Variants in SLC17A9 observed in about 807,000 individuals in gnomAD.
SLC17A9 encodes voltage-gated purine nucleotide uniporter SLC17A9.
Under a neutral mutation model 55.0 loss-of-function variants are expected in SLC17A9, and 49 were observed. The observed-to-expected ratio is 0.89, with a 90% confidence interval of 0.71 to 1.13. The LOEUF (loss-of-function observed/expected upper bound fraction) is 1.13. Ranked by LOEUF, SLC17A9 falls within the 50% of genes most tolerant of loss-of-function variation. The probability of loss-of-function intolerance (pLI) is 0.00; values close to 1 mark genes in which losing one functional copy is unlikely to be tolerated. For missense variants in SLC17A9, 526 were observed against 569.3 expected, an observed-to-expected ratio of 0.92 and a Z score of 0.77; for synonymous variants, 256 against 247.4, an observed-to-expected ratio of 1.03 and a Z score of -0.32.
rs1255071010 is a variant in SLC17A9, at chr20:62,958,116, TG to T, written c.397+537del. On this transcript the variant is annotated intron_variant, in intron 3 of 12. Coordinates refer to ENST00000370351, the MANE Select transcript of SLC17A9 (RefSeq NM_022082.4). This position sits in a 1 kb window ranked among gnomAD's most constrained non-coding sequence, Gnocchi z 4.1. ...TCCTGTATCCATGTGTATGTGCGTA[TG>T]CGTGCCCATATGCGTGTGTACGTGC... is the stretch of plus-strand genomic sequence containing the variant. Among the ~76,000 whole-genome samples the T allele has an allele frequency of 6.6e-6, 1 of 152,176 alleles. No individual in the cohort carries two copies. Among genetic ancestry groups the T allele is most frequent in the Non-Finnish European group, 1.5e-5 (1 of 68,020 alleles).
rs1162152049 is a variant in SLC17A9, at chr20:62,960,534, T to C, written c.428T>C (p.Leu143Pro). ...GVYFPALTSL[L>P]SQKVRESERA... ...TACTTCCCTGCCCTGACCAGCCTGCTGTCGCAGAAGGTGCGGGAGAGTGAG... is the reference window on the plus strand; with the variant it reads ...TACTTCCCTGCCCTGACCAGCCTGCCGTCGCAGAAGGTGCGGGAGAGTGAG... The change falls in exon 4 of 13, where the codon CTG becomes CCG. Residue 143 changes from leucine (L) to proline (P), a missense_variant. By Grantham distance (98) the Leu-to-Pro change is moderately conservative. Transcript: ENST00000370351. 1.2e-6 allele frequency: 2 copies of C among 1,613,566 alleles called. No homozygotes were observed. The highest frequency in any genetic ancestry group is 1.7e-6 in the Non-Finnish European group (2 of 1,180,010).
Position 62,967,894 on chromosome 20 carries a change from C to T in SLC17A9, c.*394C>T, listed in dbSNP as rs45569732. ...TTCTCCGCAAGCCTCCTGCAGCGCC[C>T]GCCTGCCAATGTGAGGCTGGCACCA... On this transcript the variant is annotated 3_prime_UTR_variant, in exon 13 of 13. Transcript: ENST00000370351. 8.3e-3 allele frequency: 1,414 copies of T among 171,336 alleles called. 6 individuals are homozygous for T. Among genetic ancestry groups the T allele is most frequent in the Middle Eastern group, 0.029 (11 of 380 alleles). The allele number at this position is 171,336 out of a possible 1,614,324, so 10.6% of individuals were successfully genotyped here. A position where few individuals can be genotyped will look rare whatever the true frequency, so the allele number is the denominator to read the frequency against.
At position 62,967,408 on chromosome 20, in the gene SLC17A9, G is replaced by A; in HGVS notation, c.1219G>A (p.Val407Met). 1 of 1,614,200 alleles carries A rather than the reference G, an allele frequency of 6.2e-7. No individual in the cohort carries two copies. The highest frequency in any genetic ancestry group is 8.5e-7 in the Non-Finnish European group (1 of 1,180,032). ...CTCCTGGACTTGCCTGTTCAACCTT[G>A]TGGCCATCATCAGCAACCTGGGGCT... is the stretch of plus-strand genomic sequence containing the variant. ...TGSWTCLFNL[V>M]AIISNLGLCT... The change falls in exon 13 of 13, where the codon GTG becomes ATG. Residue 407 changes from valine (V) to methionine (M), a missense_variant. Val to Met is a conservative substitution (Grantham distance 21, BLOSUM62 1). Coordinates refer to ENST00000370351, the MANE Select transcript of SLC17A9 (RefSeq NM_022082.4).
In SLC17A9 at chr20:62,967,352, G is replaced by A. The variant is rs1019733124; in HGVS notation, c.1163G>A (p.Cys388Tyr). The A allele has an allele frequency of 3.7e-6, 6 of 1,614,008 alleles. No homozygotes were observed. Among genetic ancestry groups the A allele is most frequent in the East Asian group, 2.2e-5 (1 of 44,886 alleles). Residue 388 changes from cysteine to tyrosine, a missense_variant, in exon 13 of 13, where the codon TGT (cysteine) becomes TAT (tyrosine). Transcript: ENST00000370351. ...AGALAGVVGV[C>Y]LGGYLMETTG... ...TCTTGGGCAGGTGTCGTGGGTGTGT[G>A]TCTAGGCGGCTACTTGATGGAGACC... is the stretch of plus-strand genomic sequence containing the variant.
chr20:62,954,987 G>A (rs2065524013), intron 1 of SLC17A9, among the ~76,000 whole-genome samples: 1 of 152,126 alleles, frequency 6.6e-6, no homozygotes, highest in Admixed American at 6.5e-5. Context: ...TCAAGACAGA[G>A]TCTCTCTCTG....
rs774981671 is a variant in SLC17A9 at position 62,967,637 on chromosome 20, T to G, written c.*137T>G. ...CACAAACCACTGTGGAGCCTGAAGCTCCTTAAGAAGAGTCCACAACAGCTG... is the reference window on the plus strand; with the variant it reads ...CACAAACCACTGTGGAGCCTGAAGCGCCTTAAGAAGAGTCCACAACAGCTG... On this transcript the variant is annotated 3_prime_UTR_variant, in exon 13 of 13. Coordinates refer to ENST00000370351, the MANE Select transcript of SLC17A9 (RefSeq NM_022082.4). The G allele has an allele frequency of 1.7e-5, 6 of 357,916 alleles. No individual in the cohort carries two copies. Among genetic ancestry groups the G allele is most frequent in the Non-Finnish European group, 2.7e-5 (6 of 220,004 alleles). The allele number at this position is 357,916 out of a possible 1,614,324, so 22.2% of individuals were successfully genotyped here.
chr20:62,962,608 C>A lies in SLC17A9; in HGVS notation c.498-16C>A, dbSNP rs1333504739. Reference sequence around the variant, plus strand: ...TGCCGCTGAGGGGCCTGGCCACACTCCCCCTGTCTTTGCAGGACGCTGCTG... The same window carrying A: ...TGCCGCTGAGGGGCCTGGCCACACTACCCCTGTCTTTGCAGGACGCTGCTG... On this transcript the variant is annotated splice_polypyrimidine_tract_variant and intron_variant, in intron 4 of 12. Coordinates refer to ENST00000370351, the MANE Select transcript of SLC17A9 (RefSeq NM_022082.4). The surrounding 1 kb of genome is among the most constrained non-coding windows in gnomAD (Gnocchi z 5.5). 1 of 1,612,958 alleles carries A rather than the reference C, an allele frequency of 6.2e-7. No individual in the cohort carries two copies.
chr20:62,954,023 T>A (rs1264798109), intron 1 of SLC17A9, among the ~76,000 whole-genome samples: 2 of 151,696 alleles, frequency 1.3e-5, no homozygotes, highest in African/African-American at 4.8e-5. Context: ...TTTGAGTGGC[T>A]CCGCCTTCAC....
intron 4 of SLC17A9, among the ~76,000 whole-genome samples, chr20:62,961,893 A>C (rs1396265442): frequency 2.6e-5 from 4 of 152,096 alleles, no homozygotes; most frequent in African/African-American, 9.7e-5. Flanking sequence ...CCCAAGGCCA[A>C]GTCTTGCTAC....
At chr20:62,956,999 G>C (rs369941336) in intron 2 of SLC17A9, 37 bp downstream of exon 2, 6 of 1,611,554 alleles carry the variant, frequency 3.7e-6, no homozygotes, top group Non-Finnish European at 5.1e-6. Context: ...GGCTGGTGGG[G>C]GCCGCCCCAC....
chr20:62,954,841 GTTC>G (rs2065522467), intron 1 of SLC17A9, among the ~76,000 whole-genome samples: 1 of 152,256 alleles, frequency 6.6e-6, no homozygotes, highest in Admixed American at 6.5e-5. Flanking sequence ...GTGGCTCTGT[GTTC>G]TCAGTCCTGT....
intron 3 of SLC17A9, among the ~76,000 whole-genome samples, chr20:62,959,167 G>A (rs1433058365): frequency 4.6e-5 from 7 of 152,192 alleles, no homozygotes; most frequent in African/African-American, 1.7e-4. Flanking sequence ...GGAAAACAGT[G>A]GTGCTGCCTC....
Position 62,967,457 on chromosome 20 carries a change from A to G in SLC17A9, c.1268A>G (p.Gln423Arg). Residue 423 changes from glutamine (Q) to arginine (R), a missense_variant, in exon 13 of 13, where the codon CAG becomes CGG. Gln to Arg is a conservative substitution (Grantham distance 43). Coordinates refer to ENST00000370351, the MANE Select transcript of SLC17A9 (RefSeq NM_022082.4). ...LGLCTFLVFG[Q>R]AQRVDLSSTH... The stretch of plus-strand genomic sequence containing the variant: ...CTGTGCACCTTCCTGGTGTTTGGAC[A>G]GGCTCAGAGGGTGGACCTGAGCTCT... 1 of 1,614,146 alleles carries G rather than the reference A, an allele frequency of 6.2e-7. No individual in the cohort carries two copies. Among genetic ancestry groups the G allele is most frequent in the Non-Finnish European group, 8.5e-7 (1 of 1,180,006 alleles).
chr20:62,965,147 C>T lies in SLC17A9; in HGVS notation c.926C>T (p.Thr309Met), dbSNP rs564928264. The stretch of plus-strand genomic sequence containing the variant: ...CCCCCTGTAGGTTACAGAGCCATCA[C>T]GGTGCGGAAGCTCATGCAGGTAGGA... ...HLINQGYRAI[T>M]VRKLMQGMGL... Residue 309 changes from threonine (T) to methionine (M), a missense_variant, in exon 9 of 13, where the codon ACG (threonine) becomes ATG (methionine). Transcript: ENST00000370351. The T allele has an allele frequency of 1.2e-5, 19 of 1,614,110 alleles. No homozygotes were observed. The highest frequency in any genetic ancestry group is 1.6e-4 in the Middle Eastern group (1 of 6,062).
In SLC17A9 at chr20:62,964,064, C is replaced by T. The variant is rs571982326; in HGVS notation, c.823-164C>T. On this transcript the variant is annotated intron_variant, in intron 7 of 12. Transcript: ENST00000370351. ...CTCTGAGGCTGTCTTGCTGCCCTGC[C>T]GGGTGGTGGTCAAGAGCTGCACATT... 85 of 723,350 alleles carry T rather than the reference C, an allele frequency of 1.2e-4. No individual in the cohort carries two copies. The South Asian group carries it at 1.2e-3, about 10-fold the overall frequency. 44.8% of individuals were successfully genotyped at this position (723,350 alleles called of 1,614,324 possible).
At chr20:62,965,776 G>A (rs756642261) in intron 10 of SLC17A9, 51 bp downstream of exon 10, 16 of 1,545,632 alleles carry the variant, frequency 1.0e-5, no homozygotes, top group East Asian at 4.5e-5. Flanking sequence ...CCGCACGGCC[G>A]AGGCCCGCAC....
chr20:62,955,967 C>G (rs1306519796), intron 1 of SLC17A9, among the ~76,000 whole-genome samples: 1 of 152,260 alleles, frequency 6.6e-6, no homozygotes, highest in East Asian at 1.9e-4. Context: ...ACAGCACTTC[C>G]TCCCACACAA....
Position 62,962,649 on chromosome 20 carries a change from T to C in SLC17A9, c.523T>C (p.Ser175Pro). 6.2e-7 allele frequency: 1 copy of C among 1,614,074 alleles called. No homozygotes were observed. Among genetic ancestry groups the C allele is most frequent in the Non-Finnish European group, 8.5e-7 (1 of 1,179,940 alleles). Residue 175 changes from serine (S) to proline (P), a missense_variant, in exon 5 of 13, where the codon TCC (serine) becomes CCC (proline). By Grantham distance (74) the Ser-to-Pro change is moderately conservative. Coordinates refer to ENST00000370351, the MANE Select transcript of SLC17A9 (RefSeq NM_022082.4). The surrounding 1 kb of genome is among the most constrained non-coding windows in gnomAD (Gnocchi z 5.5). ...GACGCTGCTGACCGGGGCGGTGGGCTCCCTGCTCCTGGAATGGTACGGCTG... is the reference window on the plus strand; with the variant it reads ...GACGCTGCTGACCGGGGCGGTGGGCCCCCTGCTCCTGGAATGGTACGGCTG... ...FGTLLTGAVG[S>P]LLLEWYGWQS...
intron 10 of SLC17A9, 77 bp from the exon 11 acceptor site, chr20:62,966,448 C>T (rs1359653080): frequency 1.4e-5 from 22 of 1,520,332 alleles, no homozygotes; most frequent in South Asian, 2.4e-5. Flanking sequence ...CTTGCTTCCC[C>T]GCTTCCCCTG....
Sources: allele counts gnomAD v4.1 joint callset (sites outside exome capture counted in the v4.1 genomes callset), GRCh38; gene constraint gnomAD v4.1.1; non-coding constraint Gnocchi (gnomAD v3.1); transcripts MANE v1.5; gene names NCBI Gene and HGNC (gene_info 2026-07-23, HGNC 2026-07-21).